The following IL1R1 variants were observed in gnomAD, a reference collection of about 807,000 sequenced individuals.
IL1R1 encodes the protein interleukin-1 receptor type 1.
Under a neutral mutation model 50.2 loss-of-function variants are expected in IL1R1, and 22 were observed. That is an observed-to-expected ratio of 0.44 (90% confidence interval 0.31 to 0.63). The LOEUF (loss-of-function observed/expected upper bound fraction) is 0.63. IL1R1 is among the 20% of genes least tolerant of loss of function. The pLI is 0.07. For synonymous variants in IL1R1, 251 were observed against 236.7 expected (o/e 1.06, Z -0.55); for missense variants, 509 against 676.2 (o/e 0.75, Z 2.74).
Position 102,166,210 on chromosome 2 carries a change from C to T in IL1R1, c.584C>T (p.Thr195Ile). 1 of 1,613,722 alleles carries T rather than the reference C, an allele frequency of 6.2e-7. No individual in the cohort carries two copies. The highest frequency in any genetic ancestry group is 2.2e-5 in the East Asian group (1 of 44,844). The change falls in exon 6 of 12, where the codon ACT (threonine) becomes ATT (isoleucine). Residue 195 changes from threonine to isoleucine, a missense_variant. Transcript: ENST00000410023. Reference protein sequence around the residue: ...NVAEKHRGNYTCHASYTYLGK... With the variant: ...NVAEKHRGNYICHASYTYLGK... ...GCTGAAAAGCATAGAGGGAACTATACTTGTCATGCATCCTACACATACTTG... is the reference window on the plus strand; with the variant it reads ...GCTGAAAAGCATAGAGGGAACTATATTTGTCATGCATCCTACACATACTTG...
chr2:102,167,739 C>T (rs540787013), intron 6 of IL1R1, among the ~76,000 whole-genome samples: 73 of 152,192 alleles, frequency 4.8e-4, no homozygotes, highest in African/African-American at 1.6e-3. Context: ...TGAGCCACCG[C>T]GCCCGGCCAG....
chr2:102,166,229 A>G lies in IL1R1; in HGVS notation c.603A>G (p.Thr201=), dbSNP rs540642060. 33 of 1,613,774 alleles carry G rather than the reference A, an allele frequency of 2.0e-5. No homozygotes were observed. The highest frequency in any genetic ancestry group is 2.0e-4 in the East Asian group (9 of 44,840). ...ACTATACTTGTCATGCATCCTACAC[A>G]TACTTGGGCAAGCAATATCCTATTA... The part of the protein sequence containing the change: ...RGNYTCHASY[T]YLGKQYPITR... Residue 201 remains threonine (T), a synonymous_variant, in exon 6 of 12, where the codon ACA becomes ACG. Transcript: ENST00000410023.
At chr2:102,137,771 G>A (rs1682425613), upstream of IL1R1, among the ~76,000 whole-genome samples, 1 of 152,146 alleles carries the variant, frequency 6.6e-6, no homozygotes, top group Admixed American at 6.5e-5. Context: ...TAGATGAGAA[G>A]CAAAGAATTT....
chr2:102,109,581 G>T (rs566755397), intron 1 of IL1R1, among the ~76,000 whole-genome samples: 2 of 152,296 alleles, frequency 1.3e-5, no homozygotes, highest in South Asian at 4.1e-4. Flanking sequence ...ATTTGGAGGT[G>T]TTGAACCTGG....
intron 1 of IL1R1, among the ~76,000 whole-genome samples, chr2:102,081,852 A>T (rs886222221): frequency 6.6e-6 from 1 of 152,198 alleles, no homozygotes; most frequent in Admixed American, 6.5e-5. Context: ...CTACCCAGTC[A>T]TCAGTCATCA....
At chr2:102,139,388 G>A (rs908136882), upstream of IL1R1, among the ~76,000 whole-genome samples, 1 of 152,222 alleles carries the variant, frequency 6.6e-6, no homozygotes, top group Non-Finnish European at 1.5e-5. Context: ...TGTTGGACAC[G>A]GGGGCTTTGC....
intron 1 of IL1R1, among the ~76,000 whole-genome samples, chr2:102,137,188 C>A (rs116297515): frequency 2.0e-3 from 302 of 152,234 alleles, no homozygotes; most frequent in African/African-American, 6.9e-3. Context: ...ACCTTGCATG[C>A]TAGACTGAAG....
At chr2:102,112,150 C>T (rs920406156) in intron 1 of IL1R1, among the ~76,000 whole-genome samples, 6 of 151,822 alleles carry the variant, frequency 4.0e-5, no homozygotes, top group Non-Finnish European at 8.8e-5. Flanking sequence ...GGGCTCTCTA[C>T]CAGTCTTAGG....
In IL1R1 at chr2:102,178,915, C is replaced by G. The variant is rs201292192; in HGVS notation, c.*2156C>G. The G allele has an allele frequency of 2.6e-5, 4 of 152,256 alleles. No individual in the cohort carries two copies. The highest frequency in any genetic ancestry group is 5.9e-5 in the Non-Finnish European group (4 of 68,042). The allele number at this position is 152,256 out of a possible 1,614,324, so 9.4% of individuals were successfully genotyped here. On this transcript the variant is annotated 3_prime_UTR_variant, in exon 12 of 12. Coordinates refer to ENST00000410023, the MANE Select transcript of IL1R1 (RefSeq NM_000877.4). ...TTCTCGTATTTAATATGGGTGAACA[C>G]CAACTTTTATTTGGAATAATAATTT...
intron 1 of IL1R1, among the ~76,000 whole-genome samples, chr2:102,080,248 T>A (rs553307082): frequency 5.3e-5 from 8 of 152,282 alleles, no homozygotes; most frequent in Admixed American, 5.2e-4. Context: ...TCACCAAAAT[T>A]AAATCCTTTC....
chr2:102,085,779 A>G (rs1679405946), intron 1 of IL1R1, among the ~76,000 whole-genome samples: 1 of 152,182 alleles, frequency 6.6e-6, no homozygotes, highest in Non-Finnish European at 1.5e-5. Context: ...CAATTAATTT[A>G]TAAATCAATT....
chr2:102,152,893 T>C (rs1683820230), intron 1 of IL1R1, among the ~76,000 whole-genome samples: 2 of 152,174 alleles, frequency 1.3e-5, no homozygotes, highest in African/African-American at 4.8e-5. Context: ...AAATACTTTG[T>C]GTTGAACTAG....
chr2:102,129,919 A>C (rs1681936254), intron 1 of IL1R1, among the ~76,000 whole-genome samples: 1 of 152,256 alleles, frequency 6.6e-6, no homozygotes, highest in South Asian at 2.1e-4. Context: ...AGAAATTAAA[A>C]AAATAAATTT....
intron 1 of IL1R1, among the ~76,000 whole-genome samples, chr2:102,133,384 C>T (rs1256447000): frequency 1.3e-5 from 2 of 152,092 alleles, no homozygotes; most frequent in Admixed American, 6.6e-5. Flanking sequence ...GGAGTAAATG[C>T]TTCTCAACTC....
At chr2:102,103,322 C>T (rs907696255), upstream of IL1R1, among the ~76,000 whole-genome samples, 4 of 151,830 alleles carry the variant, frequency 2.6e-5, no homozygotes, top group South Asian at 2.1e-4. Flanking sequence ...GAGCAAATGG[C>T]GGTGAAAACT....
chr2:102,125,900 G>T (rs1218346712), intron 1 of IL1R1, among the ~76,000 whole-genome samples: 1 of 152,148 alleles, frequency 6.6e-6, no homozygotes, highest in East Asian at 1.9e-4. Context: ...TGCTGAGTAG[G>T]TCACAAACCA....
At chr2:102,130,119 C>T (rs1253383923) in intron 1 of IL1R1, among the ~76,000 whole-genome samples, 1 of 152,192 alleles carries the variant, frequency 6.6e-6, no homozygotes, top group Non-Finnish European at 1.5e-5. Context: ...TCTGCTTCTG[C>T]ATTCAATGTT....
chr2:102,126,720 T>G (rs2310186), intron 1 of IL1R1, among the ~76,000 whole-genome samples: 35,455 of 151,970 alleles, frequency 0.23, 6,230 homozygotes, highest in African/African-American at 0.49. Context: ...CGCTTGTATT[T>G]AAAACTCACT....
At chr2:102,071,084 T>C (rs1041956859) in intron 1 of IL1R1, among the ~76,000 whole-genome samples, 23 of 152,174 alleles carry the variant, frequency 1.5e-4, no homozygotes, top group African/African-American at 5.1e-4. Flanking sequence ...TAGGCATCAT[T>C]ATGTGTTATA....
Sources: gnomAD v4.1 joint callset for allele counts (sites outside exome capture counted in the v4.1 genomes callset) on GRCh38, gnomAD v4.1.1 for gene constraint, MANE v1.5 for transcripts, NCBI Gene and HGNC (gene_info 2026-07-23, HGNC 2026-07-21) for gene names.